Variants in CMTM8 observed in about 807,000 individuals in gnomAD.
CMTM8 encodes CKLF like MARVEL transmembrane domain containing 8.
CMTM8 carries 12 observed loss-of-function variants against 18.6 expected under a neutral mutation model. That is an observed-to-expected ratio of 0.65 (90% CI 0.41 to 1.05). CMTM8 has a LOEUF of 1.05. Among genes scored for constraint, CMTM8 ranks in the 50% least tolerant of loss-of-function variants. The pLI, the probability that CMTM8 is intolerant of heterozygous loss-of-function variation, is 0.00. For missense variants in CMTM8, 217 were observed against 227.2 expected, an observed-to-expected ratio of 0.95 and a Z score of 0.29; for synonymous variants, 87 against 90.6, an observed-to-expected ratio of 0.96 and a Z score of 0.23.
At chr3:32,277,380 T>G (rs1302902816) in intron 1 of CMTM8, among the ~76,000 whole-genome samples, 3 of 148,050 alleles carry the variant, frequency 2.0e-5, no homozygotes, top group Non-Finnish European at 4.4e-5. Flanking sequence ...CCCTTTGTCT[T>G]TCTTTCTTTT....
At chr3:32,342,109 G>A (rs1019607776) in intron 1 of CMTM8, among the ~76,000 whole-genome samples, 4 of 152,026 alleles carry the variant, frequency 2.6e-5, no homozygotes, top group Middle Eastern at 3.4e-3. Flanking sequence ...TTAGCTGGGC[G>A]TGGTGGCATG....
chr3:32,295,455 C>CAAAAAAAAAA (rs1400148634), intron 1 of CMTM8, among the ~76,000 whole-genome samples: 11 of 27,520 alleles, frequency 4.0e-4, no homozygotes, highest in African/African-American at 1.3e-3. Context: ...GACTCCATCT[C>CAAAAAAAAAA]AAAAAAAAAA....
intron 1 of CMTM8, among the ~76,000 whole-genome samples, chr3:32,330,937 G>A (rs561317926): frequency 6.6e-6 from 1 of 152,272 alleles, no homozygotes; most frequent in African/African-American, 2.4e-5. Flanking sequence ...GTTATTTCTT[G>A]CATATGACAA....
intron 1 of CMTM8, among the ~76,000 whole-genome samples, chr3:32,241,507 G>A (rs888195138): frequency 6.6e-6 from 1 of 152,138 alleles, no homozygotes; most frequent in Non-Finnish European, 1.5e-5. Context: ...CATCACCAGC[G>A]CAAACCACCC....
chr3:32,277,597 T>G (rs1702539275), intron 1 of CMTM8, among the ~76,000 whole-genome samples: 1 of 151,932 alleles, frequency 6.6e-6, no homozygotes, highest in Non-Finnish European at 1.5e-5. Flanking sequence ...AACTGTGTTG[T>G]GTTGTCCAAA....
intron 1 of CMTM8, among the ~76,000 whole-genome samples, chr3:32,330,197 ATTT>A (rs57467295): frequency 0.28 from 34,591 of 125,248 alleles, 4,362 homozygotes; most frequent in East Asian, 0.48. Flanking sequence ...TCCCAGTGGC[ATTT>A]TTTTTTTTTT....
At chr3:32,248,589 C>T (rs970183622) in intron 1 of CMTM8, among the ~76,000 whole-genome samples, 2 of 152,098 alleles carry the variant, frequency 1.3e-5, no homozygotes, top group African/African-American at 4.8e-5. Context: ...GTCTCGAACT[C>T]CTGACCTCAG....
chr3:32,280,094 C>T (rs1042296617), intron 1 of CMTM8, among the ~76,000 whole-genome samples: 3 of 152,046 alleles, frequency 2.0e-5, no homozygotes, highest in South Asian at 2.1e-4. Flanking sequence ...CCAAGCACTT[C>T]GTAGTGGCCA....
chr3:32,250,503 T>C (rs1407307148), intron 1 of CMTM8, among the ~76,000 whole-genome samples: 4 of 152,236 alleles, frequency 2.6e-5, no homozygotes, highest in African/African-American at 9.6e-5. Context: ...AGATCAAGTC[T>C]TATAATTTAT....
At chr3:32,247,909 A>C (rs1446496045) in intron 1 of CMTM8, among the ~76,000 whole-genome samples, 1 of 152,174 alleles carries the variant, frequency 6.6e-6, no homozygotes, top group Non-Finnish European at 1.5e-5. Context: ...GTAACAACCA[A>C]GTTACTTTCT....
chr3:32,266,221 C>A (rs139059865), intron 1 of CMTM8, among the ~76,000 whole-genome samples: 1 of 152,182 alleles, frequency 6.6e-6, no homozygotes, highest in African/African-American at 2.4e-5. Flanking sequence ...TACTGGCAAA[C>A]CGAATCCAGC....
chr3:32,255,756 A>C (rs1702167528), intron 1 of CMTM8, among the ~76,000 whole-genome samples: 1 of 152,050 alleles, frequency 6.6e-6, no homozygotes, highest in South Asian at 2.1e-4. Flanking sequence ...ACAGGATCTC[A>C]CCATGCCACC....
intron 1 of CMTM8, among the ~76,000 whole-genome samples, chr3:32,312,636 G>T (rs1311595689): frequency 6.6e-6 from 1 of 152,080 alleles, no homozygotes; most frequent in Admixed American, 6.6e-5. Flanking sequence ...TATGGAGGCT[G>T]CATGACAGAA....
intron 1 of CMTM8, among the ~76,000 whole-genome samples, chr3:32,279,231 G>A (rs557263530): frequency 3.1e-4 from 46 of 147,334 alleles, no homozygotes; most frequent in Non-Finnish European, 6.0e-4. Context: ...ACATTGTGCA[G>A]GTTAGTTACA....
chr3:32,331,566 A>G (rs1299157757), intron 1 of CMTM8, among the ~76,000 whole-genome samples: 1 of 149,354 alleles, frequency 6.7e-6, no homozygotes, highest in Admixed American at 6.6e-5. Context: ...AAAAAAAAGG[A>G]TCTTGAGATA....
chr3:32,251,224 A>G (rs12715203), intron 1 of CMTM8, among the ~76,000 whole-genome samples: 132,283 of 152,246 alleles, frequency 0.87, 57,577 homozygotes, highest in East Asian at 0.99. Context: ...GCCTGAACAT[A>G]TGAAAAAGAG....
intron 1 of CMTM8, among the ~76,000 whole-genome samples, chr3:32,248,586 A>G (rs1447903876): frequency 2.0e-5 from 3 of 148,858 alleles, no homozygotes; most frequent in Admixed American, 2.0e-4. Context: ...TTGGTCTCGA[A>G]CTCCTGACCT....
chr3:32,280,673 C>A (rs1702593355), intron 1 of CMTM8, among the ~76,000 whole-genome samples: 1 of 151,866 alleles, frequency 6.6e-6, no homozygotes, highest in South Asian at 2.1e-4. Flanking sequence ...TTGTCCAATT[C>A]TTTGCTCAAA....
chr3:32,242,349 A>T (rs1701954106), intron 1 of CMTM8, among the ~76,000 whole-genome samples: 1 of 152,140 alleles, frequency 6.6e-6, no homozygotes, highest in African/African-American at 2.4e-5. Flanking sequence ...TTTGTTTGAG[A>T]CAGTGTCTTA....
Sources: allele counts gnomAD v4.1 joint callset (sites outside exome capture counted in the v4.1 genomes callset), GRCh38; gene constraint gnomAD v4.1.1; transcripts MANE v1.5; gene names NCBI Gene and HGNC (gene_info 2026-07-23, HGNC 2026-07-21).